Variants in RPS6KB1 observed in about 807,000 individuals in gnomAD.
RPS6KB1 encodes the protein ribosomal protein S6 kinase B1.
A neutral mutation model predicts 70.2 loss-of-function variants in RPS6KB1; 12 were observed. The observed-to-expected ratio is 0.17, with a 90% CI of 0.11 to 0.28. The LOEUF (loss-of-function observed/expected upper bound fraction) is 0.28. Among genes scored for constraint, RPS6KB1 ranks in the 10% least tolerant of loss-of-function variants. The pLI is 1.00. For missense variants in RPS6KB1, 270 were observed against 646.6 expected, an observed-to-expected ratio of 0.42 and a Z score of 6.32; for synonymous variants, 175 against 211.2, an observed-to-expected ratio of 0.83 and a Z score of 1.49.
chr17:59,908,425 T>G (rs2042396273), intron 1 of RPS6KB1, among the ~76,000 whole-genome samples: 1 of 151,638 alleles, frequency 6.6e-6, no homozygotes, highest in Non-Finnish European at 1.5e-5. Context: ...GGTCTCAAAC[T>G]TCTGACCTCA....
chr17:59,934,931 A>G lies in RPS6KB1; in HGVS notation c.871-262A>G, dbSNP rs187829958. On this transcript the variant is annotated intron_variant, in intron 9 of 14. Coordinates refer to ENST00000225577, the MANE Select transcript of RPS6KB1 (RefSeq NM_003161.4). The surrounding 1 kb of genome is among the most constrained non-coding windows in gnomAD (Gnocchi z 4.8). ...GCCGGCCACAGTGGTGCATGCCTGT[A>G]GCCTAAGCTACTCAGGAGGCTGAGG... 3.6e-4 allele frequency: 140 copies of G among 391,504 alleles called. 1 individual carries two copies. The East Asian group carries it at 4.1e-3, about 11-fold the overall frequency. The allele number at this position is 391,504 out of a possible 1,614,324, so 24.3% of individuals were successfully genotyped here. A position where few individuals can be genotyped will look rare whatever the true frequency, so the allele number is the denominator to read the frequency against.
At chr17:59,914,341 GTAT>G (rs2042818170) in intron 3 of RPS6KB1, among the ~76,000 whole-genome samples, 1 of 152,144 alleles carries the variant, frequency 6.6e-6, no homozygotes, top group Admixed American at 6.6e-5. Flanking sequence ...TTTTAAGGTG[GTAT>G]TATGCCTCTG....
At chr17:59,926,639 A>G in intron 5 of RPS6KB1, 57 bp downstream of exon 5, 2 of 1,379,980 alleles carry the variant, frequency 1.4e-6, no homozygotes, top group Non-Finnish European at 2.0e-6. Context: ...CTGGGTCAAA[A>G]TGTTATTTTT....
In RPS6KB1 at chr17:59,934,316, T is replaced by A. The variant is rs1411437332; in HGVS notation, c.779+56T>A. 6.8e-7 allele frequency: 1 copy of A among 1,467,298 alleles called. No homozygotes were observed. The highest frequency in any genetic ancestry group is 1.4e-5 in the African/African-American group (1 of 72,010). The allele number at this position is 1,467,298 out of a possible 1,614,324, so 90.9% of individuals were successfully genotyped here. A position where few individuals can be genotyped will look rare whatever the true frequency, so the allele number is the denominator to read the frequency against. Reference sequence around the variant, plus strand: ...GGGGTAATAGCTAATTTTACCTGTTTTAAGGAATAGTATCTGTTTTCTGTA... The same window carrying A: ...GGGGTAATAGCTAATTTTACCTGTTATAAGGAATAGTATCTGTTTTCTGTA... On this transcript the variant is annotated intron_variant, in intron 8 of 14. Coordinates refer to ENST00000225577, the MANE Select transcript of RPS6KB1 (RefSeq NM_003161.4). The surrounding 1 kb of genome is among the most constrained non-coding windows in gnomAD (Gnocchi z 4.8).
intron 1 of RPS6KB1, among the ~76,000 whole-genome samples, chr17:59,895,385 G>T (rs1312899582): frequency 7.0e-6 from 1 of 143,698 alleles, no homozygotes; most frequent in East Asian, 2.1e-4. Flanking sequence ...GCAGTGGTGC[G>T]ATCTCGGCTC....
intron 13 of RPS6KB1, among the ~76,000 whole-genome samples, chr17:59,941,695 G>A (rs1476093317): frequency 6.7e-5 from 10 of 149,984 alleles, no homozygotes; most frequent in South Asian, 4.2e-4. Context: ...GTGCAGTGGC[G>A]CGATCTCAGC....
chr17:59,937,086 T>C (rs1290830246), intron 12 of RPS6KB1, among the ~76,000 whole-genome samples: 2 of 152,204 alleles, frequency 1.3e-5, no homozygotes, highest in Non-Finnish European at 2.9e-5. Context: ...GGTCTTGAAC[T>C]CCTGGGCTCA....
chr17:59,907,332 A>G (rs1415188360), intron 1 of RPS6KB1: 1 of 152,126 alleles, frequency 6.6e-6, no homozygotes, highest in Non-Finnish European at 1.5e-5. Context: ...GAAATTTAGG[A>G]TCAGCTTGTC....
chr17:59,938,184 TG>T lies in RPS6KB1; in HGVS notation c.1119+1652del, dbSNP rs35225494. Among the ~76,000 whole-genome samples, 217 of 109,162 alleles carry T rather than the reference TG, an allele frequency of 2.0e-3. 2 individuals are homozygous for T. Among genetic ancestry groups the T allele is most frequent in the African/African-American group, 7.5e-3 (202 of 26,940 alleles). The allele number at this position is 109,162 out of a possible 152,430, so 71.6% of individuals were successfully genotyped here. A position where few individuals can be genotyped will look rare whatever the true frequency, so the allele number is the denominator to read the frequency against. ...TTCTTTTCTTTCTTTTTTTTTTTTT[TG>T]GGGGGGGGATAGGGTCTTTCTCTGT... On this transcript the variant is annotated intron_variant, in intron 12 of 14. Coordinates refer to ENST00000225577, the MANE Select transcript of RPS6KB1 (RefSeq NM_003161.4).
At chr17:59,905,823 T>A (rs373977332) in intron 1 of RPS6KB1, among the ~76,000 whole-genome samples, 51 of 151,674 alleles carry the variant, frequency 3.4e-4, no homozygotes, top group East Asian at 2.1e-3. Flanking sequence ...GGACCTTTTT[T>A]TTATTATTAT....
intron 1 of RPS6KB1, chr17:59,907,222 C>T (rs1259718569): frequency 1.3e-5 from 2 of 152,012 alleles, no homozygotes; most frequent in African/African-American, 4.8e-5. Flanking sequence ...CCAGGATGGT[C>T]TTGATCTCCT....
chr17:59,911,745 A>T (rs900261689), intron 2 of RPS6KB1, among the ~76,000 whole-genome samples: 51 of 151,338 alleles, frequency 3.4e-4, no homozygotes, highest in Admixed American at 4.0e-4. Context: ...GGGTTTCACC[A>T]TGTTGGCTAG....
chr17:59,902,248 G>A (rs1265898811), intron 1 of RPS6KB1, among the ~76,000 whole-genome samples: 1 of 151,564 alleles, frequency 6.6e-6, no homozygotes, highest in Admixed American at 6.6e-5. Context: ...GGGACCACAG[G>A]TGTGCGCCAC....
chr17:59,944,403 G>A (rs1259932534), intron 13 of RPS6KB1, among the ~76,000 whole-genome samples: 1 of 152,082 alleles, frequency 6.6e-6, no homozygotes, highest in East Asian at 1.9e-4. Flanking sequence ...TTGAAATGTT[G>A]ATACTTATTC....
At chr17:59,941,035 T>G in intron 13 of RPS6KB1, 92 bp downstream of exon 13, 1 of 750,968 alleles carries the variant, frequency 1.3e-6, no homozygotes, top group South Asian at 1.7e-5. Context: ...TTGCAGTTCA[T>G]GTAGGTAACC....
chr17:59,947,763 AAG>A lies in RPS6KB1; in HGVS notation c.*980_*981del. ...TCAGCCCATGGCTGAAGAACAACAG[AAG>A]AGAGTCAGGATAAAAAATACATACT... is the stretch of plus-strand genomic sequence containing the variant. On this transcript the variant is annotated 3_prime_UTR_variant, in exon 15 of 15. Transcript: ENST00000225577. 2 of 560,440 alleles carry A rather than the reference AAG, an allele frequency of 3.6e-6. No individual in the cohort carries two copies. Among genetic ancestry groups the A allele is most frequent in the African/African-American group, 1.9e-5 (1 of 51,726 alleles). 34.7% of individuals were successfully genotyped at this position (560,440 alleles called of 1,614,324 possible).
intron 9 of RPS6KB1, 95 bp from the exon 10 acceptor site, chr17:59,935,098 A>G: frequency 4.3e-6 from 3 of 694,824 alleles, no homozygotes; most frequent in South Asian, 1.9e-5. Context: ...TGTATAACTA[A>G]TTTAGGAAAT....
In RPS6KB1 at chr17:59,893,461, G is replaced by A. The variant is rs1433224349; in HGVS notation, c.141+136G>A. On this transcript the variant is annotated intron_variant, in intron 1 of 14. Transcript: ENST00000225577. This position sits in a 1 kb window ranked among gnomAD's most constrained non-coding sequence, Gnocchi z 4.1. Reference sequence around the variant, plus strand: ...GCTGAGGGTCGCGCGGCCTGAGACAGGGGAGCGGGCGGGGCGGTCATGGCC... The same window carrying A: ...GCTGAGGGTCGCGCGGCCTGAGACAAGGGAGCGGGCGGGGCGGTCATGGCC... 6.4e-6 allele frequency: 6 copies of A among 934,698 alleles called. No homozygotes were observed. Among genetic ancestry groups the A allele is most frequent in the Non-Finnish European group, 9.5e-6 (6 of 629,018 alleles). 57.9% of individuals were successfully genotyped at this position (934,698 alleles called of 1,614,324 possible). A position where few individuals can be genotyped will look rare whatever the true frequency, so the allele number is the denominator to read the frequency against.
Position 59,910,546 on chromosome 17 carries a change from T to A in RPS6KB1, c.142-16T>A. On this transcript the variant is annotated splice_polypyrimidine_tract_variant and intron_variant, in intron 1 of 14. Coordinates refer to ENST00000225577, the MANE Select transcript of RPS6KB1 (RefSeq NM_003161.4). ...GTTTATTAGATTATTTCTGAAACTT[T>A]TAACATATTTTTCAGGGTCAGTTAA... The A allele has an allele frequency of 1.3e-6, 2 of 1,539,106 alleles. No homozygotes were observed.
Sources: allele counts gnomAD v4.1 joint callset (sites outside exome capture counted in the v4.1 genomes callset), GRCh38; gene constraint gnomAD v4.1.1; non-coding constraint Gnocchi (gnomAD v3.1); transcripts MANE v1.5; gene names NCBI Gene and HGNC (gene_info 2026-07-23, HGNC 2026-07-21).